Variants in CADM1 observed in about 807,000 individuals in gnomAD.
The protein encoded by CADM1 is TSLC-1.
CADM1 carries 15 observed loss-of-function variants against 53.1 expected under a neutral mutation model. The ratio of observed to expected loss-of-function variants is 0.28; its 90% CI spans 0.19 to 0.44. The LOEUF is 0.44. Ranked by LOEUF, CADM1 falls within the 20% of genes least tolerant of loss-of-function variation. The pLI is 1.00. For missense variants in CADM1, 434 were observed against 611.3 expected (o/e 0.71, Z 3.06); for synonymous variants, 281 against 243.0 (o/e 1.16, Z -1.45).
intron 1 of CADM1, among the ~76,000 whole-genome samples, chr11:115,348,541 C>T (rs918331547): frequency 3.3e-5 from 5 of 152,092 alleles, no homozygotes; most frequent in African/African-American, 7.2e-5. Flanking sequence ...TGAAGGCTTG[C>T]GGTAATAATT....
intron 1 of CADM1, among the ~76,000 whole-genome samples, chr11:115,328,680 GTATATATATGTGTATATATATGTATA>G (rs1945029834): frequency 2.8e-5 from 1 of 35,824 alleles, no homozygotes; most frequent in African/African-American, 7.4e-5. Flanking sequence ...ATATATATGT[GTATATATATGTGTATATATATGTATA>G]TATATATGTG....
chr11:115,219,190 A>G (rs1941310050), intron 5 of CADM1, among the ~76,000 whole-genome samples: 1 of 152,160 alleles, frequency 6.6e-6, no homozygotes, highest in Admixed American at 6.6e-5. Context: ...GGCCTTTTAC[A>G]AGCTGTGGTT....
intron 1 of CADM1, among the ~76,000 whole-genome samples, chr11:115,255,971 A>G (rs1942773015): frequency 1.3e-5 from 2 of 152,162 alleles, no homozygotes; most frequent in Non-Finnish European, 2.9e-5. Context: ...CAGCGCTCTC[A>G]CCCTTAGTGG....
intron 1 of CADM1, among the ~76,000 whole-genome samples, chr11:115,286,706 G>A (rs542692118): frequency 6.6e-6 from 1 of 152,248 alleles, no homozygotes; most frequent in Non-Finnish European, 1.5e-5. Flanking sequence ...TCTGCATAGG[G>A]CCTGTCTTTA....
At chr11:115,481,781 A>G (rs1300567625) in intron 1 of CADM1, among the ~76,000 whole-genome samples, 2 of 152,112 alleles carry the variant, frequency 1.3e-5, no homozygotes, top group African/African-American at 4.8e-5. Flanking sequence ...TCCTAAACAT[A>G]TCCTGAAACC....
intron 1 of CADM1, among the ~76,000 whole-genome samples, chr11:115,403,130 C>T (rs763669621): frequency 6.6e-6 from 1 of 152,198 alleles, no homozygotes; most frequent in African/African-American, 2.4e-5. Context: ...GTATTATAGA[C>T]TTCCTCATAC....
At chr11:115,411,881 A>C (rs1947468559) in intron 1 of CADM1, among the ~76,000 whole-genome samples, 1 of 152,198 alleles carries the variant, frequency 6.6e-6, no homozygotes, top group Non-Finnish European at 1.5e-5. Context: ...AAAGGCTTTG[A>C]ACTCAAATAA....
intron 5 of CADM1, among the ~76,000 whole-genome samples, chr11:115,222,524 T>A (rs185280567): frequency 9.2e-5 from 14 of 152,288 alleles, no homozygotes; most frequent in Non-Finnish European, 1.8e-4. Flanking sequence ...AATACATTCA[T>A]GAATAATTTT....
intron 1 of CADM1, among the ~76,000 whole-genome samples, chr11:115,314,164 C>CT (rs898170773): frequency 0.043 from 4 of 94 alleles, no homozygotes; most frequent in Admixed American, 0.1. Flanking sequence ...CACCACTATG[C>CT]TCGTATTAGC....
chr11:115,429,173 G>A (rs1947974166), intron 1 of CADM1, among the ~76,000 whole-genome samples: 1 of 151,754 alleles, frequency 6.6e-6, no homozygotes, highest in South Asian at 2.1e-4. Context: ...TTTTAAAAAG[G>A]GAAAAAGCAG....
chr11:115,403,368 G>A (rs1404897546), intron 1 of CADM1, among the ~76,000 whole-genome samples: 1 of 152,156 alleles, frequency 6.6e-6, no homozygotes, highest in Non-Finnish European at 1.5e-5. Flanking sequence ...ATCGAATCCT[G>A]GAGCAGCAAA....
intron 1 of CADM1, among the ~76,000 whole-genome samples, chr11:115,245,553 G>C (rs960537486): frequency 6.6e-6 from 1 of 152,084 alleles, no homozygotes; most frequent in African/African-American, 2.4e-5. Context: ...CCCTGTTCAG[G>C]GTGGGCCCAA....
intron 1 of CADM1, among the ~76,000 whole-genome samples, chr11:115,299,592 A>G (rs1401165073): frequency 6.6e-6 from 1 of 152,202 alleles, no homozygotes; most frequent in African/African-American, 2.4e-5. Flanking sequence ...TATATAGTAT[A>G]TAGAATCTCA....
At chr11:115,241,226 C>A (rs942319956) in intron 1 of CADM1, among the ~76,000 whole-genome samples, 1 of 152,174 alleles carries the variant, frequency 6.6e-6, no homozygotes, top group Non-Finnish European at 1.5e-5. Flanking sequence ...CAGCCTGGGC[C>A]ACCTCATAAA....
chr11:115,483,971 G>C (rs1949312854), intron 1 of CADM1, among the ~76,000 whole-genome samples: 1 of 152,130 alleles, frequency 6.6e-6, no homozygotes, highest in South Asian at 2.1e-4. Context: ...AGCCAGCCCA[G>C]GTTCCAGAGC....
intron 8 of CADM1, among the ~76,000 whole-genome samples, chr11:115,202,284 T>C (rs1385251730): frequency 6.6e-6 from 1 of 152,188 alleles, no homozygotes; most frequent in Admixed American, 6.5e-5. Context: ...AATCCTTTCA[T>C]ATGGATTCTC....
chr11:115,338,896 T>TA (rs1945343936), intron 1 of CADM1, among the ~76,000 whole-genome samples: 1 of 145,194 alleles, frequency 6.9e-6, no homozygotes, highest in African/African-American at 2.6e-5. Context: ...TTTTTAATTT[T>TA]TTTTTTTTTT....
chr11:115,310,963 C>G (rs939439326), intron 1 of CADM1, among the ~76,000 whole-genome samples: 2 of 152,100 alleles, frequency 1.3e-5, no homozygotes, highest in Non-Finnish European at 2.9e-5. Flanking sequence ...CATCTGATAC[C>G]AGGAGATTCT....
intron 1 of CADM1, among the ~76,000 whole-genome samples, chr11:115,488,036 G>A (rs201162962): frequency 5.4e-5 from 8 of 147,432 alleles, no homozygotes; most frequent in Non-Finnish European, 3.0e-5. Context: ...GCAATCCCTG[G>A]AAAAAAAAAA....
Sources: allele counts gnomAD v4.1 joint callset (sites outside exome capture counted in the v4.1 genomes callset), GRCh38; gene constraint gnomAD v4.1.1; transcripts MANE v1.5; gene names NCBI Gene and HGNC (gene_info 2026-07-23, HGNC 2026-07-21).